The following ZNF695 variants were observed in gnomAD, a reference collection of about 807,000 sequenced individuals.
ZNF695 encodes the protein zinc finger protein 695, also known as zinc finger protein SBZF3.
ZNF695 carries 11 observed loss-of-function variants against 11.2 expected under a neutral mutation model. That is an observed-to-expected ratio of 0.98 (90% CI 0.62 to 1.62). The LOEUF is 1.62. Among genes scored for constraint, ZNF695 ranks in the 40% most tolerant of loss-of-function variants. ZNF695 has a pLI of 0.00. For synonymous variants in ZNF695, 190 were observed against 201.4 expected, an observed-to-expected ratio of 0.94 and a Z score of 0.48; for missense variants, 559 against 590.5, an observed-to-expected ratio of 0.95 and a Z score of 0.55.
Position 246,986,461 on chromosome 1 carries a change from C to T in ZNF695, c.*506G>A. The T allele has an allele frequency of 5.1e-6, 5 of 986,084 alleles. No homozygotes were observed. Among genetic ancestry groups the T allele is most frequent in the Non-Finnish European group, 6.0e-6 (5 of 830,350 alleles). The allele number at this position is 986,084 out of a possible 1,614,324, so 61.1% of individuals were successfully genotyped here. ...ACTTTGAATTATTCTCTATAACCAA[C>T]ACTCAGATTTACAGTAATGTCTGAA... On this transcript the variant is annotated 3_prime_UTR_variant, in exon 4 of 4. Coordinates refer to ENST00000339986, the MANE Select transcript of ZNF695 (RefSeq NM_020394.5).
intron 4 of ZNF695, among the ~76,000 whole-genome samples, chr1:246,978,640 C>T (rs1001967294): frequency 6.6e-6 from 1 of 152,198 alleles, no homozygotes; most frequent in African/African-American, 2.4e-5. Flanking sequence ...AAAGTTACCA[C>T]ATGTGTATGG....
intron 5 of ZNF695, among the ~76,000 whole-genome samples, chr1:246,955,783 T>C (rs1667979780): frequency 6.6e-6 from 1 of 152,168 alleles, no homozygotes; most frequent in Admixed American, 6.5e-5. Context: ...AGTACTACTG[T>C]CTTCTGGACA....
chr1:246,949,018 A>T (rs1691246), intron 5 of ZNF695, among the ~76,000 whole-genome samples: 12 of 151,874 alleles, frequency 7.9e-5, no homozygotes, highest in African/African-American at 2.9e-4. Context: ...GCACTTCAAC[A>T]GCATTGAGGA....
Position 246,987,939 on chromosome 1 carries a change from G to T in ZNF695, c.576C>A (p.Val192=), listed in dbSNP as rs768667743. 1.6e-5 allele frequency: 25 copies of T among 1,611,760 alleles called. No homozygotes were observed. The highest frequency in any genetic ancestry group is 2.0e-5 in the Non-Finnish European group (23 of 1,179,228). The change falls in exon 4 of 4, where the codon GTC becomes GTA. Residue 192 remains valine, a synonymous_variant. Transcript: ENST00000339986. Reference sequence around the variant, plus strand: ...GAGTCATTATTAAAGACATGCAAGAGACATTGCCACATTCTTTGCATTTGA... The same window carrying T: ...GAGTCATTATTAAAGACATGCAAGATACATTGCCACATTCTTTGCATTTGA... ...KPFKCKECGN[V]SCMSLIMTQQ... is the part of the protein sequence containing the mutation.
intron 3 of ZNF695, among the ~76,000 whole-genome samples, chr1:246,988,906 C>A (rs1009516708): frequency 5.9e-5 from 9 of 151,900 alleles, no homozygotes; most frequent in Non-Finnish European, 1.0e-4. Context: ...CTGGCCAACA[C>A]AGTGAAACCC....
At chr1:247,006,460 A>T (rs975152896) in intron 1 of ZNF695, among the ~76,000 whole-genome samples, 1 of 152,014 alleles carries the variant, frequency 6.6e-6, no homozygotes, top group East Asian at 1.9e-4. Context: ...AAAATACAAA[A>T]ATTAGCCGGG....
chr1:246,999,497 AC>A, intron 2 of ZNF695, 57 bp from the exon 3 acceptor site: 1 of 1,372,166 alleles, frequency 7.3e-7, no homozygotes, highest in Non-Finnish European at 1.0e-6. Context: ...ATCACCTTTT[AC>A]TATGCTCAGT....
chr1:246,974,182 C>A (rs1203979256), intron 4 of ZNF695, among the ~76,000 whole-genome samples: 17 of 146,530 alleles, frequency 1.2e-4, no homozygotes, highest in South Asian at 8.9e-4. Context: ...AAACAAAAAA[C>A]AACAACAAAA....
intron 4 of ZNF695, among the ~76,000 whole-genome samples, chr1:246,972,863 G>C (rs1431710008): frequency 6.6e-6 from 1 of 151,148 alleles, no homozygotes; most frequent in Non-Finnish European, 1.5e-5. Flanking sequence ...ATTTCTGCAG[G>C]TGCTTTCAGA....
chr1:247,007,761 G>C, intron 1 of ZNF695, 145 bp downstream of exon 1: 1 of 914,072 alleles, frequency 1.1e-6, no homozygotes, highest in African/African-American at 1.7e-5. Flanking sequence ...GGGACTGAGG[G>C]CCGAGCTGCG....
intron 3 of ZNF695, among the ~76,000 whole-genome samples, chr1:246,995,842 C>G (rs1165721362): frequency 6.8e-6 from 1 of 146,140 alleles, no homozygotes; most frequent in Non-Finnish European, 1.5e-5. Flanking sequence ...AAAAAAGAAG[C>G]TGCGGTAATT....
chr1:246,990,056 TG>T (rs1668982783), intron 3 of ZNF695, among the ~76,000 whole-genome samples: 1 of 132,424 alleles, frequency 7.6e-6, no homozygotes, highest in African/African-American at 2.9e-5. Flanking sequence ...AAGAGAGAGA[TG>T]AACGAGGGGA....
chr1:246,945,908 G>A (rs1399882247), intron 5 of ZNF695: 10 of 1,503,840 alleles, frequency 6.6e-6, no homozygotes, highest in Middle Eastern at 1.7e-4. Flanking sequence ...GTGTTAAACC[G>A]GTTCTGATTG....
chr1:246,974,776 A>T (rs1204349509), intron 4 of ZNF695, among the ~76,000 whole-genome samples: 2 of 152,212 alleles, frequency 1.3e-5, no homozygotes, highest in Non-Finnish European at 2.9e-5. Flanking sequence ...TGTCTAGCCC[A>T]GATCTTTCCA....
chr1:246,990,680 A>G (rs1299076091), intron 3 of ZNF695, among the ~76,000 whole-genome samples: 2 of 152,238 alleles, frequency 1.3e-5, no homozygotes, highest in Admixed American at 1.3e-4. Flanking sequence ...TCCTCAGCAC[A>G]TGGATCATTC....
intron 4 of ZNF695, chr1:246,968,528 G>C (rs1261615837): frequency 6.6e-6 from 1 of 152,334 alleles, no homozygotes; most frequent in Non-Finnish European, 1.5e-5. Context: ...GTGGAGGACA[G>C]TGGCCCTCTT....
intron 4 of ZNF695, among the ~76,000 whole-genome samples, chr1:246,977,604 A>T (rs1443382418): frequency 6.6e-6 from 1 of 152,220 alleles, no homozygotes; most frequent in African/African-American, 2.4e-5. Flanking sequence ...TCAGGTGTAT[A>T]AGCTTAATAA....
intron 1 of ZNF695, among the ~76,000 whole-genome samples, chr1:247,003,554 G>A (rs1558322160): frequency 6.6e-6 from 1 of 152,052 alleles, no homozygotes; most frequent in Non-Finnish European, 1.5e-5. Context: ...AACAAAATTT[G>A]CCAATATAAC....
intron 5 of ZNF695, among the ~76,000 whole-genome samples, chr1:246,953,555 G>A (rs1479504505): frequency 6.6e-6 from 1 of 151,864 alleles, no homozygotes; most frequent in Non-Finnish European, 1.5e-5. Flanking sequence ...AGGTTGCAGT[G>A]AGCCAAGATC....
Sources: gnomAD v4.1 joint callset for allele counts (sites outside exome capture counted in the v4.1 genomes callset) on GRCh38, gnomAD v4.1.1 for gene constraint, MANE v1.5 for transcripts, NCBI Gene and HGNC (gene_info 2026-07-23, HGNC 2026-07-21) for gene names.